The following SMG9 variants were observed in gnomAD, a reference collection of about 807,000 sequenced individuals.
The protein encoded by SMG9 is SMG9 nonsense mediated mRNA decay factor, also known as nonsense-mediated mRNA decay factor SMG9.
Under a neutral mutation model 64.0 loss-of-function variants are expected in SMG9, and 55 were observed. That is an observed-to-expected ratio of 0.86 (90% CI 0.69 to 1.08). SMG9 has a LOEUF of 1.08. Ranked by LOEUF, SMG9 falls within the 50% of genes least tolerant of loss-of-function variation. The pLI is 0.00. For missense variants in SMG9, 554 were observed against 681.3 expected (o/e 0.81, Z 2.08); for synonymous variants, 244 against 254.8 (o/e 0.96, Z 0.41).
At chr19:43,748,732 TG>T (rs1314125501) in intron 2 of SMG9, 1 of 520,220 alleles carries the variant, frequency 1.9e-6, no homozygotes, top group Non-Finnish European at 3.8e-6. Context: ...GTTCTTTCTC[TG>T]GTTCCTTGAG....
chr19:43,751,001 T>G (rs1299914158), intron 1 of SMG9, among the ~76,000 whole-genome samples: 1 of 151,962 alleles, frequency 6.6e-6, no homozygotes, highest in East Asian at 1.9e-4. Flanking sequence ...ATTTTTATAT[T>G]TTTAGTAGAG....
At chr19:43,749,799 G>C (rs780967081) in intron 2 of SMG9, among the ~76,000 whole-genome samples, 2 of 152,186 alleles carry the variant, frequency 1.3e-5, no homozygotes, top group Non-Finnish European at 2.9e-5. Context: ...AGCCCAGGGC[G>C]CTCTCTACAG....
chr19:43,735,670 TTA>T (rs1454620029), intron 9 of SMG9, among the ~76,000 whole-genome samples: 3 of 151,370 alleles, frequency 2.0e-5, no homozygotes, highest in South Asian at 4.2e-4. Context: ...AATTTTCAGT[TTA>T]TGTTATTTTA....
chr19:43,754,509 T>A (rs1488296607), intron 1 of SMG9, 145 bp downstream of exon 1: 2 of 152,154 alleles, frequency 1.3e-5, no homozygotes, highest in South Asian at 2.1e-4. Flanking sequence ...AGTATCGAAT[T>A]GACGGTCGCC....
At position 43,733,439 on chromosome 19, in the gene SMG9, C is replaced by A; in HGVS notation, c.1224G>T (p.Met408Ile). The change falls in exon 12 of 14, where the codon ATG (methionine) becomes ATT (isoleucine). Residue 408 changes from methionine (M) to isoleucine (I), a missense_variant. Met to Ile is a conservative substitution (Grantham distance 10). Coordinates refer to ENST00000270066, the MANE Select transcript of SMG9 (RefSeq NM_019108.4). The stretch of plus-strand genomic sequence containing the variant: ...GCCCCGGGAAGACATTGCATTGTAA[C>A]ATGGACAGAGTTCCTGGAGGAGAAA... ...SHLRYKGTLS[M>I]LQCNVFPGLP... 3 of 1,614,036 alleles carry A rather than the reference C, an allele frequency of 1.9e-6. No individual in the cohort carries two copies. Among genetic ancestry groups the A allele is most frequent in the Non-Finnish European group, 2.5e-6 (3 of 1,180,032 alleles).
rs1256093282 is a variant in SMG9, at chr19:43,730,885, T to C, written c.*711A>G. 1 of 154,096 alleles carries C rather than the reference T, an allele frequency of 6.5e-6. No individual in the cohort carries two copies. The highest frequency in any genetic ancestry group is 6.5e-5 in the Admixed American group (1 of 15,278). 9.5% of individuals were successfully genotyped at this position (154,096 alleles called of 1,614,324 possible). On this transcript the variant is annotated 3_prime_UTR_variant, in exon 14 of 14. Transcript: ENST00000270066. ...GCCCAGCCTAGGCACTGTATTTAAC[T>C]GGGCATTTAACCCAAAGGCAGGTAA...
At position 43,744,784 on chromosome 19, in the gene SMG9, T is replaced by A; in HGVS notation, c.689A>T (p.Glu230Val). 1 of 1,613,684 alleles carries A rather than the reference T, an allele frequency of 6.2e-7. No individual in the cohort carries two copies. Among genetic ancestry groups the A allele is most frequent in the South Asian group, 1.1e-5 (1 of 91,052 alleles). ...VMSLLSANTP[E>V]EDQRTYVFRA... The stretch of plus-strand genomic sequence containing the variant: ...GATAGCCCCTCACCTCTGGTCCTCC[T>A]CTGGAGTGTTGGCTGACAACAATGA... Residue 230 changes from glutamate to valine, a missense_variant, in exon 6 of 14, where the codon GAG becomes GTG. Coordinates refer to ENST00000270066, the MANE Select transcript of SMG9 (RefSeq NM_019108.4).
chr19:43,733,518 CA>C lies in SMG9; in HGVS notation c.1211-67del. 4 of 1,610,350 alleles carry C rather than the reference CA, an allele frequency of 2.5e-6. No homozygotes were observed. In the South Asian group the frequency reaches 4.4e-5, roughly 18 times the overall value. ...GGGTTTGGGGAGTGGGAATTGTTGA[CA>C]GTCAAAGCAGGATCAGGAGACTAGT... On this transcript the variant is annotated intron_variant, in intron 11 of 13. Coordinates refer to ENST00000270066, the MANE Select transcript of SMG9 (RefSeq NM_019108.4).
chr19:43,731,037 T>C lies in SMG9; in HGVS notation c.*559A>G. On this transcript the variant is annotated 3_prime_UTR_variant, in exon 14 of 14. Transcript: ENST00000270066. ...CCCCAGGAAACAGAATAACCCCTTC[T>C]AGGGACTTCTTAGCAGAGACTGATC... 1 of 834,528 alleles carries C rather than the reference T, an allele frequency of 1.2e-6. No homozygotes were observed. The highest frequency in any genetic ancestry group is 1.4e-6 in the Non-Finnish European group (1 of 692,232). The allele number at this position is 834,528 out of a possible 1,614,324, so 51.7% of individuals were successfully genotyped here.
chr19:43,739,880 T>C (rs1245894090), intron 7 of SMG9: 11 of 554,896 alleles, frequency 2.0e-5, no homozygotes, highest in Non-Finnish European at 3.2e-5. Flanking sequence ...TTCAGCACTA[T>C]ACTAGAAATC....
intron 8 of SMG9, 89 bp from the exon 9 acceptor site, chr19:43,737,771 C>T: frequency 7.4e-7 from 1 of 1,344,630 alleles, no homozygotes; most frequent in Non-Finnish European, 1.0e-6. Context: ...GTTCAGGAGG[C>T]AGCAAGGCAA....
At position 43,731,132 on chromosome 19, in the gene SMG9, T is replaced by G; in HGVS notation, c.*464A>C. ...CAGAGCTGCATGGTGGGTAGAGGAG[T>G]AAGTGGAACATAAGAACAGGCTTGC... On this transcript the variant is annotated 3_prime_UTR_variant, in exon 14 of 14. Coordinates refer to ENST00000270066, the MANE Select transcript of SMG9 (RefSeq NM_019108.4). 1 of 987,652 alleles carries G rather than the reference T, an allele frequency of 1.0e-6. No homozygotes were observed. Among genetic ancestry groups the G allele is most frequent in the Non-Finnish European group, 1.2e-6 (1 of 831,652 alleles). 61.2% of individuals were successfully genotyped at this position (987,652 alleles called of 1,614,324 possible).
chr19:43,738,011 C>G, intron 8 of SMG9, 111 bp downstream of exon 8: 1 of 1,040,506 alleles, frequency 9.6e-7, no homozygotes, highest in Non-Finnish European at 1.5e-6. Flanking sequence ...GCAGCCAGGG[C>G]TCTTCTGAAG....
intron 6 of SMG9, among the ~76,000 whole-genome samples, chr19:43,741,955 T>C (rs540806237): frequency 3.0e-4 from 45 of 151,704 alleles, no homozygotes; most frequent in Non-Finnish European, 4.1e-4. Context: ...CAAGACCAGC[T>C]TGGCCAACAT....
At chr19:43,733,984 T>G in intron 10 of SMG9, 1 of 570,640 alleles carries the variant, frequency 1.8e-6, no homozygotes, top group East Asian at 2.9e-5. Flanking sequence ...ACTGGGTCTT[T>G]GAAGAAGAGT....
At chr19:43,732,764 G>T in intron 13 of SMG9, 94 bp downstream of exon 13, 1 of 1,471,604 alleles carries the variant, frequency 6.8e-7, no homozygotes, top group Non-Finnish European at 9.4e-7. Flanking sequence ...GAGAGGAGGG[G>T]CTTCACAAGG....
At chr19:43,733,486 A>G (rs759882533) in intron 11 of SMG9, 34 bp from the exon 12 acceptor site, 5 of 1,613,486 alleles carry the variant, frequency 3.1e-6, no homozygotes, top group Non-Finnish European at 4.2e-6. Context: ...TTCAGGTACC[A>G]TGTTGTGGGT....
intron 13 of SMG9, 21 bp downstream of exon 13, chr19:43,732,837 C>T (rs999890456): frequency 2.5e-6 from 4 of 1,613,498 alleles, no homozygotes; most frequent in Non-Finnish European, 3.4e-6. Flanking sequence ...CAAATTGACC[C>T]CCTCTGCAAA....
chr19:43,748,902 CAGG>C (rs1969109367), intron 2 of SMG9: 2 of 491,342 alleles, frequency 4.1e-6, no homozygotes, highest in Non-Finnish European at 8.2e-6. Context: ...GGAAAAACTA[CAGG>C]AGGAGAGGCT....
Sources: gnomAD v4.1 joint callset for allele counts (sites outside exome capture counted in the v4.1 genomes callset) on GRCh38, gnomAD v4.1.1 for gene constraint, MANE v1.5 for transcripts, NCBI Gene and HGNC (gene_info 2026-07-23, HGNC 2026-07-21) for gene names.